Variants in CDH13 observed in about 807,000 individuals in gnomAD.
The protein encoded by CDH13 is cadherin-13.
A neutral mutation model predicts 63.8 loss-of-function variants in CDH13; 24 were observed. The ratio of observed to expected loss-of-function variants is 0.38; its 90% CI spans 0.27 to 0.53. CDH13 has a LOEUF of 0.53. CDH13 is among the 20% of genes least tolerant of loss of function. The pLI is 0.85. For missense variants in CDH13, 1,049 were observed against 903.1 expected, an observed-to-expected ratio of 1.16 and a Z score of -2.07; for synonymous variants, 503 against 355.3, an observed-to-expected ratio of 1.42 and a Z score of -4.67.
chr16:82,720,770 G>C (rs1166747070), intron 1 of CDH13, among the ~76,000 whole-genome samples: 1 of 152,094 alleles, frequency 6.6e-6, no homozygotes, highest in African/African-American at 2.4e-5. Context: ...ATGATGGCCA[G>C]GTCTTCCTGC....
chr16:83,317,001 G>C (rs1013772654), intron 5 of CDH13, among the ~76,000 whole-genome samples: 2 of 152,140 alleles, frequency 1.3e-5, no homozygotes, highest in African/African-American at 2.4e-5. Flanking sequence ...CCTAACCTGG[G>C]CTTTGATGGC....
At chr16:83,436,055 A>G (rs1447581473) in intron 6 of CDH13, among the ~76,000 whole-genome samples, 1 of 152,228 alleles carries the variant, frequency 6.6e-6, no homozygotes, top group African/African-American at 2.4e-5. Context: ...TCGCAGGTCA[A>G]GGCCAGGAGT....
chr16:83,523,697 A>T (rs964062406), intron 7 of CDH13, among the ~76,000 whole-genome samples: 1 of 152,066 alleles, frequency 6.6e-6, no homozygotes, highest in South Asian at 2.1e-4. Context: ...CTCAGATTCC[A>T]CCTCAGTGGG....
chr16:83,544,827 A>G (rs1412917209), intron 7 of CDH13, among the ~76,000 whole-genome samples: 1 of 152,198 alleles, frequency 6.6e-6, no homozygotes, highest in Non-Finnish European at 1.5e-5. Flanking sequence ...TTCAAAGGGT[A>G]TCTACTAGGA....
chr16:83,382,502 G>A (rs1379593150), intron 6 of CDH13, among the ~76,000 whole-genome samples: 9 of 152,014 alleles, frequency 5.9e-5, no homozygotes, highest in African/African-American at 1.9e-4. Context: ...GTATCTATGT[G>A]ATGTCCCTTC....
chr16:83,028,935 A>G (rs1404109196), intron 2 of CDH13, among the ~76,000 whole-genome samples: 1 of 152,120 alleles, frequency 6.6e-6, no homozygotes, highest in African/African-American at 2.4e-5. Context: ...GTGACAGGCA[A>G]ATGGTCCAGG....
chr16:82,959,697 C>T (rs1365112622), intron 2 of CDH13, among the ~76,000 whole-genome samples: 2 of 152,198 alleles, frequency 1.3e-5, no homozygotes, highest in Non-Finnish European at 2.9e-5. Flanking sequence ...CCAAATTCCA[C>T]CTGCATAGGT....
At chr16:83,719,538 A>C (rs1168443808) in intron 10 of CDH13, among the ~76,000 whole-genome samples, 1 of 152,108 alleles carries the variant, frequency 6.6e-6, no homozygotes, top group African/African-American at 2.4e-5. Flanking sequence ...CAGCACAACA[A>C]CTAGATTAGT....
intron 6 of CDH13, among the ~76,000 whole-genome samples, chr16:83,379,566 G>A (rs1429845655): frequency 4.6e-5 from 7 of 152,132 alleles, no homozygotes; most frequent in Non-Finnish European, 1.0e-4. Flanking sequence ...CCCATGGTAT[G>A]CACAACTTGA....
intron 1 of CDH13, among the ~76,000 whole-genome samples, chr16:82,639,785 T>C (rs1011386259): frequency 2.0e-5 from 3 of 152,222 alleles, no homozygotes; most frequent in African/African-American, 7.2e-5. Context: ...TGTACCCAGC[T>C]CCATTTTCCG....
chr16:83,753,705 T>C (rs1913276986), intron 11 of CDH13, among the ~76,000 whole-genome samples: 1 of 152,048 alleles, frequency 6.6e-6, no homozygotes. Context: ...AATTGATTTC[T>C]CCAAACAAAG....
intron 5 of CDH13, among the ~76,000 whole-genome samples, chr16:83,325,862 C>T (rs966225067): frequency 2.0e-5 from 3 of 152,122 alleles, no homozygotes; most frequent in Non-Finnish European, 4.4e-5. Flanking sequence ...TGCATGCCTT[C>T]GGCTGTGTTA....
At chr16:83,418,363 T>A (rs2071614929) in intron 6 of CDH13, among the ~76,000 whole-genome samples, 1 of 152,176 alleles carries the variant, frequency 6.6e-6, no homozygotes, top group African/African-American at 2.4e-5. Context: ...TAGAAAATTA[T>A]AATACCCATA....
intron 2 of CDH13, among the ~76,000 whole-genome samples, chr16:82,896,115 A>C (rs1329307045): frequency 2.0e-5 from 3 of 151,914 alleles, no homozygotes; most frequent in African/African-American, 7.3e-5. Context: ...TCTCTCATTC[A>C]TTCATTCGTA....
intron 6 of CDH13, among the ~76,000 whole-genome samples, chr16:83,382,297 C>T (rs1319115861): frequency 6.6e-6 from 1 of 152,174 alleles, no homozygotes; most frequent in Non-Finnish European, 1.5e-5. Flanking sequence ...ACCATTTCCA[C>T]CATCATCCTT....
intron 5 of CDH13, among the ~76,000 whole-genome samples, chr16:83,260,095 A>AAAAC (rs1224528199): frequency 2.7e-4 from 16 of 58,764 alleles, no homozygotes; most frequent in Non-Finnish European, 2.4e-4. Flanking sequence ...ATGTACCCCC[A>AAAAC]ATACACACAC....
At chr16:83,027,845 C>T (rs1430032435) in intron 2 of CDH13, among the ~76,000 whole-genome samples, 1 of 152,170 alleles carries the variant, frequency 6.6e-6, no homozygotes, top group Non-Finnish European at 1.5e-5. Flanking sequence ...ATGGTTTTCT[C>T]TGCCTAAGTA....
At chr16:83,651,984 G>T (rs1048406266) in intron 8 of CDH13, among the ~76,000 whole-genome samples, 6 of 152,200 alleles carry the variant, frequency 3.9e-5, no homozygotes, top group African/African-American at 1.4e-4. Context: ...TGTGATGAGA[G>T]CCCAGGAGGG....
At chr16:82,963,825 C>G (rs1471550180) in intron 2 of CDH13, among the ~76,000 whole-genome samples, 1 of 152,166 alleles carries the variant, frequency 6.6e-6, no homozygotes, top group African/African-American at 2.4e-5. Flanking sequence ...ATTTTCCTGC[C>G]TGACTTCTGA....
Sources: allele counts gnomAD v4.1 joint callset (sites outside exome capture counted in the v4.1 genomes callset), GRCh38; gene constraint gnomAD v4.1.1; transcripts MANE v1.5; gene names NCBI Gene and HGNC (gene_info 2026-07-23, HGNC 2026-07-21).